The following WWOX variants were observed in gnomAD, a reference collection of about 807,000 sequenced individuals.
WWOX encodes the protein WW domain containing oxidoreductase, also known as WW domain-containing oxidoreductase.
In WWOX, 69 loss-of-function variants were observed where a neutral mutation model predicts 46.2. The ratio of observed to expected loss-of-function variants is 1.49; its 90% CI spans 1.23 to 1.82. The LOEUF (loss-of-function observed/expected upper bound fraction) is 1.82, where lower values mean the gene tolerates loss of function less well. WWOX is among the 40% of genes most tolerant of loss of function. The pLI, the probability that WWOX is intolerant of heterozygous loss-of-function variation, is 0.00. For synonymous variants in WWOX, 359 were observed against 202.6 expected (o/e 1.77, Z -6.56); for missense variants, 919 against 542.6 (o/e 1.69, Z -6.89).
chr16:78,431,765 A>T (rs2083223371), intron 7 of WWOX, among the ~76,000 whole-genome samples: 1 of 151,274 alleles, frequency 6.6e-6, no homozygotes, highest in South Asian at 2.1e-4. Context: ...TGCCCAGGCT[A>T]GAGTTCAGTG....
At chr16:78,617,092 C>G (rs753076314) in intron 8 of WWOX, among the ~76,000 whole-genome samples, 12 of 152,268 alleles carry the variant, frequency 7.9e-5, no homozygotes, top group African/African-American at 2.9e-4. Flanking sequence ...GTTCAACCCT[C>G]CACATCAACT....
At chr16:79,140,393 C>G (rs1279867663) in intron 8 of WWOX, among the ~76,000 whole-genome samples, 1 of 152,194 alleles carries the variant, frequency 6.6e-6, no homozygotes, top group African/African-American at 2.4e-5. Context: ...TCCGCCAGCT[C>G]TTATAATCAC....
At chr16:79,034,304 T>C (rs1341009644) in intron 8 of WWOX, among the ~76,000 whole-genome samples, 1 of 152,236 alleles carries the variant, frequency 6.6e-6, no homozygotes, top group Non-Finnish European at 1.5e-5. Flanking sequence ...TTATTAGTAA[T>C]GTCAATAACT....
At chr16:78,738,377 G>A (rs998933925) in intron 8 of WWOX, among the ~76,000 whole-genome samples, 30 of 152,228 alleles carry the variant, frequency 2.0e-4, no homozygotes, top group African/African-American at 6.7e-4. Flanking sequence ...TGTGTAATGT[G>A]CCATTTGAAG....
At chr16:78,378,375 A>G (rs1044038552) in intron 5 of WWOX, among the ~76,000 whole-genome samples, 3 of 152,300 alleles carry the variant, frequency 2.0e-5, no homozygotes, top group Non-Finnish European at 4.4e-5. Context: ...AGACTGGCAC[A>G]TGGTGCTGTT....
intron 6 of WWOX, among the ~76,000 whole-genome samples, chr16:78,414,902 G>C (rs2082764789): frequency 6.6e-6 from 1 of 152,044 alleles, no homozygotes. Flanking sequence ...CCCCAAGAGA[G>C]AGTTGTTGGA....
chr16:78,703,911 C>G (rs1244420453), intron 8 of WWOX, among the ~76,000 whole-genome samples: 2 of 151,988 alleles, frequency 1.3e-5, no homozygotes, highest in Admixed American at 6.6e-5. Flanking sequence ...AGTTTTGGAA[C>G]TTATTATTTT....
intron 8 of WWOX, among the ~76,000 whole-genome samples, chr16:78,731,862 T>TTTTTTTTG (rs34201735): frequency 1.6e-4 from 22 of 137,812 alleles, no homozygotes; most frequent in African/African-American, 3.1e-4. Flanking sequence ...TTTTTTTTTT[T>TTTTTTTTG]TGAGAGACAG....
intron 8 of WWOX, among the ~76,000 whole-genome samples, chr16:78,957,280 C>A (rs367847310): frequency 6.6e-6 from 1 of 152,184 alleles, no homozygotes; most frequent in African/African-American, 2.4e-5. Flanking sequence ...ACATGCGTGA[C>A]GACCAGATAA....
intron 8 of WWOX, among the ~76,000 whole-genome samples, chr16:78,919,407 T>A (rs1380415096): frequency 6.6e-6 from 1 of 152,088 alleles, no homozygotes; most frequent in Admixed American, 6.6e-5. Context: ...TGCTCCATGG[T>A]CTAGCACAGG....
chr16:78,570,561 G>A (rs1010388461), intron 8 of WWOX, among the ~76,000 whole-genome samples: 6 of 151,916 alleles, frequency 3.9e-5, no homozygotes, highest in Non-Finnish European at 8.8e-5. Context: ...TGATCCTCCC[G>A]CCTCTGCCTC....
intron 8 of WWOX, among the ~76,000 whole-genome samples, chr16:79,039,477 C>T (rs183477947): frequency 3.7e-4 from 56 of 152,250 alleles, no homozygotes; most frequent in Admixed American, 2.9e-3. Flanking sequence ...CCAGAGGCGA[C>T]GCATTTGCCC....
intron 5 of WWOX, among the ~76,000 whole-genome samples, chr16:78,172,315 A>G (rs2035189298): frequency 1.3e-5 from 2 of 152,138 alleles, no homozygotes; most frequent in South Asian, 2.1e-4. Context: ...TTCGAGTAGT[A>G]TATCGTGTAT....
chr16:78,290,567 T>G (rs2079844077), intron 5 of WWOX, among the ~76,000 whole-genome samples: 1 of 152,170 alleles, frequency 6.6e-6, no homozygotes. Context: ...GTGGTCAGTC[T>G]AAAAAGCTCC....
rs565740250 is a variant in WWOX at position 78,365,981 on chromosome 16, G to T, written c.517-20879G>T. 2.6e-5 allele frequency among the ~76,000 whole-genome samples: 4 copies of T among 152,242 alleles called. No individual in the cohort carries two copies. The South Asian group carries it at 8.3e-4, about 32-fold the overall frequency. On this transcript the variant is annotated intron_variant, in intron 5 of 8. Transcript: ENST00000566780. ...CCCATGTGCCAGGTGGCCAAGATGG[G>T]GCTTGTGATTTGAAGCTTCTTTTCC...
intron 8 of WWOX, among the ~76,000 whole-genome samples, chr16:78,588,988 A>G (rs1289388707): frequency 1.3e-5 from 2 of 152,158 alleles, no homozygotes; most frequent in Admixed American, 1.3e-4. Flanking sequence ...TCTTGCTGGG[A>G]ATGTGGCCAT....
At chr16:78,992,733 G>A (rs1262617371) in intron 8 of WWOX, among the ~76,000 whole-genome samples, 1 of 152,046 alleles carries the variant, frequency 6.6e-6, no homozygotes, top group Non-Finnish European at 1.5e-5. Flanking sequence ...GTAGCAAGAG[G>A]AAATCGCCTG....
chr16:78,300,533 C>T (rs1392911542), intron 5 of WWOX, among the ~76,000 whole-genome samples: 4 of 151,658 alleles, frequency 2.6e-5, no homozygotes, highest in Admixed American at 2.0e-4. Context: ...CCCCTCTTCT[C>T]TTTCCCCTGT....
intron 8 of WWOX, among the ~76,000 whole-genome samples, chr16:78,845,453 T>A (rs763440229): frequency 5.9e-5 from 9 of 152,168 alleles, no homozygotes; most frequent in Non-Finnish European, 1.2e-4. Context: ...GTCAAATATG[T>A]CCTTATGGCC....
Sources: allele counts gnomAD v4.1 joint callset (sites outside exome capture counted in the v4.1 genomes callset), GRCh38; gene constraint gnomAD v4.1.1; transcripts MANE v1.5; gene names NCBI Gene and HGNC (gene_info 2026-07-23, HGNC 2026-07-21).